Variants in PALLD observed in about 807,000 individuals in gnomAD.
The protein encoded by PALLD is palladin, cytoskeletal associated protein.
PALLD carries 61 observed loss-of-function variants against 123.5 expected under a neutral mutation model. The ratio of observed to expected loss-of-function variants is 0.49; its 90% CI spans 0.40 to 0.61. PALLD has a LOEUF of 0.61. PALLD is among the 20% of genes least tolerant of loss of function. PALLD has a pLI of 0.00. For synonymous variants in PALLD, 465 were observed against 496.4 expected, an observed-to-expected ratio of 0.94 and a Z score of 0.84; for missense variants, 1,273 against 1,377.0, an observed-to-expected ratio of 0.92 and a Z score of 1.20.
Position 168,654,300 on chromosome 4 carries a change from T to C in PALLD, c.909-13890T>C, listed in dbSNP as rs1403739186. Among the ~76,000 whole-genome samples the C allele has an allele frequency of 4.6e-5, 7 of 152,076 alleles. No individual in the cohort carries two copies. The East Asian group carries it at 1.3e-3, about 29-fold the overall frequency. On this transcript the variant is annotated intron_variant, in intron 2 of 21. Transcript: ENST00000505667. ...GAGGAGGGAAGGGGTGTTATGTGTA[T>C]TTTTTTGTCTTTTGCCAAGTCTCTA... is the stretch of plus-strand genomic sequence containing the variant.
chr4:168,823,593 TGGCTTGATCCCAG>T (rs571428105), intron 10 of PALLD, among the ~76,000 whole-genome samples: 83 of 152,208 alleles, frequency 5.5e-4, no homozygotes, highest in Middle Eastern at 3.4e-3. Flanking sequence ...GGTGGGAGGA[TGGCTTGATCCCAG>T]AAGATGGAGA....
intron 10 of PALLD, among the ~76,000 whole-genome samples, chr4:168,799,705 TC>T: frequency 6.6e-6 from 1 of 152,294 alleles, no homozygotes; most frequent in East Asian, 1.9e-4. Flanking sequence ...ATAGATGGGT[TC>T]CTGAAAGAGC....
chr4:168,600,008 T>TACATACATTTGTGTACACAC (rs1772407433), intron 2 of PALLD, among the ~76,000 whole-genome samples: 1 of 132,346 alleles, frequency 7.6e-6, no homozygotes, highest in African/African-American at 2.9e-5. Context: ...CACACGTATA[T>TACATACATTTGTGTACACAC]ACATACATGT....
intron 2 of PALLD, among the ~76,000 whole-genome samples, chr4:168,530,217 T>C (rs1238080703): frequency 6.6e-6 from 1 of 152,220 alleles, no homozygotes; most frequent in East Asian, 1.9e-4. Flanking sequence ...AAGTCTGATA[T>C]TTTAGCCAAC....
At chr4:168,907,159 A>G (rs1757986702) in intron 15 of PALLD, among the ~76,000 whole-genome samples, 12 of 152,024 alleles carry the variant, frequency 7.9e-5, no homozygotes. Context: ...TAAATAGTAC[A>G]TGTAAAAAGC....
intron 21 of PALLD, 121 bp from the exon 22 acceptor site, chr4:168,926,092 C>G: frequency 1.3e-6 from 1 of 764,324 alleles, no homozygotes; most frequent in African/African-American, 1.8e-5. Context: ...TTCCATGTTT[C>G]TACCATGGAT....
intron 3 of PALLD, among the ~76,000 whole-genome samples, chr4:168,670,637 G>A (rs1335645939): frequency 1.3e-5 from 2 of 150,516 alleles, no homozygotes; most frequent in Admixed American, 1.3e-4. Flanking sequence ...GGAGGCTGAG[G>A]CAGGAGAATT....
intron 10 of PALLD, among the ~76,000 whole-genome samples, chr4:168,845,696 T>A (rs1374440428): frequency 6.6e-6 from 1 of 152,186 alleles, no homozygotes; most frequent in East Asian, 1.9e-4. Flanking sequence ...ACGAGACAGG[T>A]TGTTAGAGTT....
intron 2 of PALLD, among the ~76,000 whole-genome samples, chr4:168,623,987 A>G (rs1775005417): frequency 6.6e-6 from 1 of 152,254 alleles, no homozygotes; most frequent in South Asian, 2.1e-4. Flanking sequence ...TGTATCCTGA[A>G]AATATCTCCA....
chr4:168,508,251 A>C (rs1762198064), intron 1 of PALLD, among the ~76,000 whole-genome samples: 1 of 152,208 alleles, frequency 6.6e-6, no homozygotes, highest in Admixed American at 6.5e-5. Context: ...GGTACCCCAT[A>C]ATTATGTATA....
intron 10 of PALLD, among the ~76,000 whole-genome samples, chr4:168,867,518 T>C (rs1020161836): frequency 1.3e-5 from 2 of 152,142 alleles, no homozygotes; most frequent in African/African-American, 4.8e-5. Flanking sequence ...TTAAAAACAG[T>C]CAAATAGTAT....
intron 10 of PALLD, among the ~76,000 whole-genome samples, chr4:168,862,687 T>A (rs1749669199): frequency 1.3e-5 from 2 of 152,228 alleles, no homozygotes; most frequent in South Asian, 4.1e-4. Context: ...CTGAACTAAT[T>A]ATTTAGATCA....
At chr4:168,724,048 G>A (rs745873177) in intron 10 of PALLD, among the ~76,000 whole-genome samples, 2 of 151,774 alleles carry the variant, frequency 1.3e-5, no homozygotes, top group Non-Finnish European at 2.9e-5. Flanking sequence ...ACGTGCCACC[G>A]TGCCCAGCTA....
At chr4:168,690,219 A>C (rs1206132319) in intron 6 of PALLD, among the ~76,000 whole-genome samples, 1 of 152,202 alleles carries the variant, frequency 6.6e-6, no homozygotes, top group Non-Finnish European at 1.5e-5. Flanking sequence ...ATCTACTTTT[A>C]TTTAGAGTGT....
intron 10 of PALLD, among the ~76,000 whole-genome samples, chr4:168,821,229 A>G (rs1742666800): frequency 1.3e-5 from 2 of 152,206 alleles, no homozygotes; most frequent in Admixed American, 6.5e-5. Flanking sequence ...AGACTCAATT[A>G]TTTCACCTGA....
intron 7 of PALLD, 108 bp downstream of exon 7, chr4:168,690,852 G>C: frequency 8.7e-7 from 1 of 1,143,478 alleles, no homozygotes; most frequent in Non-Finnish European, 1.3e-6. Flanking sequence ...TATGTTCAAA[G>C]AGTGGCAGGA....
chr4:168,606,500 C>A (rs550554460), intron 2 of PALLD, among the ~76,000 whole-genome samples: 170 of 152,032 alleles, frequency 1.1e-3, no homozygotes, highest in Middle Eastern at 3.4e-3. Flanking sequence ...CGGTGAAACC[C>A]CGTCTCTACT....
chr4:168,701,836 G>C (rs1285297776), intron 8 of PALLD, among the ~76,000 whole-genome samples: 3 of 152,180 alleles, frequency 2.0e-5, no homozygotes, highest in African/African-American at 7.2e-5. Flanking sequence ...GAAGTGCCCA[G>C]GTGTTACTGA....
chr4:168,573,144 G>A (rs1264847491), intron 2 of PALLD, among the ~76,000 whole-genome samples: 4 of 151,410 alleles, frequency 2.6e-5, no homozygotes, highest in Non-Finnish European at 5.9e-5. Context: ...AAGTCTCAGG[G>A]CCTGTGCATT....
Sources: gnomAD v4.1 joint callset for allele counts (sites outside exome capture counted in the v4.1 genomes callset) on GRCh38, gnomAD v4.1.1 for gene constraint, MANE v1.5 for transcripts, NCBI Gene and HGNC (gene_info 2026-07-23, HGNC 2026-07-21) for gene names.